Variants in EML4 observed in about 807,000 individuals in gnomAD.
EML4 encodes the protein EMAP like 4, also known as echinoderm microtubule-associated protein-like 4.
A neutral mutation model predicts 129.0 loss-of-function variants in EML4; 72 were observed. That is an observed-to-expected ratio of 0.56 (90% CI 0.46 to 0.68). The LOEUF (loss-of-function observed/expected upper bound fraction) is 0.68, where lower values mean the gene tolerates loss of function less well. Among genes scored for constraint, EML4 ranks in the 30% least tolerant of loss-of-function variants. The probability of loss-of-function intolerance (pLI) is 0.00; values close to 1 mark genes in which losing one functional copy is unlikely to be tolerated. For synonymous variants in EML4, 532 were observed against 405.0 expected, an observed-to-expected ratio of 1.31 and a Z score of -3.77; for missense variants, 1,363 against 1,190.6, an observed-to-expected ratio of 1.14 and a Z score of -2.13.
chr2:42,229,982 G>C (rs182253114), intron 1 of EML4, among the ~76,000 whole-genome samples: 34 of 151,522 alleles, frequency 2.2e-4, no homozygotes, highest in Non-Finnish European at 5.9e-5. Context: ...GAAGAGGAGA[G>C]AGATACCGAT....
In EML4 at chr2:42,223,937, C is replaced by T. The variant is rs562410047; in HGVS notation, c.26-21568C>T. On this transcript the variant is annotated intron_variant, in intron 1 of 22. Transcript: ENST00000318522. ...ATAATACCACTACGGGTTCTCCTTC[C>T]TTTACCCTTGGGAAAATTTAAATTC... is the stretch of plus-strand genomic sequence containing the variant. 4.6e-5 allele frequency among the ~76,000 whole-genome samples: 7 copies of T among 152,190 alleles called. No homozygotes were observed. In the South Asian group the frequency reaches 1.4e-3, roughly 32 times the overall value.
rs186992125 is a variant in EML4, at chr2:42,204,290, G to C, written c.25+34654G>C. ...AGATGACTTTCGACAAGCTATATAA[G>C]CAGTTAGTGGCAAAGACAGGTTTTG... is the stretch of plus-strand genomic sequence containing the variant. On this transcript the variant is annotated intron_variant, in intron 1 of 22. Coordinates refer to ENST00000318522, the MANE Select transcript of EML4 (RefSeq NM_019063.5). Among the ~76,000 whole-genome samples the C allele has an allele frequency of 1.2e-4, 19 of 152,292 alleles. No homozygotes were observed. In the East Asian group the frequency reaches 3.7e-3, roughly 29 times the overall value.
chr2:42,329,515 A>G (rs943071276), intron 22 of EML4, among the ~76,000 whole-genome samples: 1 of 152,204 alleles, frequency 6.6e-6, no homozygotes, highest in Non-Finnish European at 1.5e-5. Flanking sequence ...GTGAAAATAC[A>G]GAGATGTCCA....
At chr2:42,216,946 CT>C (rs1279152453) in intron 1 of EML4, among the ~76,000 whole-genome samples, 2 of 152,126 alleles carry the variant, frequency 1.3e-5, no homozygotes, top group Non-Finnish European at 2.9e-5. Flanking sequence ...GAATAAAGAT[CT>C]ACTTGGTTCC....
intron 6 of EML4, among the ~76,000 whole-genome samples, chr2:42,272,961 T>C (rs971230577): frequency 2.6e-5 from 4 of 152,194 alleles, no homozygotes; most frequent in Non-Finnish European, 5.9e-5. Context: ...ATTAATCCTG[T>C]TTAATCAGAA....
intron 3 of EML4, among the ~76,000 whole-genome samples, chr2:42,258,126 G>C (rs1394806458): frequency 6.6e-6 from 1 of 152,066 alleles, no homozygotes; most frequent in East Asian, 1.9e-4. Context: ...ACAATCCAAG[G>C]CCAGCTGAGT....
chr2:42,189,106 G>T (rs1173159354), intron 1 of EML4, among the ~76,000 whole-genome samples: 1 of 151,906 alleles, frequency 6.6e-6, no homozygotes, highest in East Asian at 1.9e-4. Flanking sequence ...GGCTCAAGCA[G>T]TCCTCCCTAC....
chr2:42,190,317 C>T (rs1393443962), intron 1 of EML4, among the ~76,000 whole-genome samples: 2 of 152,000 alleles, frequency 1.3e-5, no homozygotes, highest in East Asian at 3.9e-4. Context: ...GAGGTTCTTG[C>T]AGGAGTAGTG....
rs1010411237 is a variant in EML4 at position 42,330,815 on chromosome 2, A to G, written c.*608A>G. The G allele has an allele frequency of 2.8e-5, 6 of 212,758 alleles. No individual in the cohort carries two copies. Among genetic ancestry groups the G allele is most frequent in the African/African-American group, 6.9e-5 (3 of 43,766 alleles). 13.2% of individuals were successfully genotyped at this position (212,758 alleles called of 1,614,324 possible). On this transcript the variant is annotated 3_prime_UTR_variant, in exon 23 of 23. Coordinates refer to ENST00000318522, the MANE Select transcript of EML4 (RefSeq NM_019063.5). ...GGATGTCCAGACATGCTCTTAGTCT[A>G]CTAGAGAGGTGCTGCCTTTTCTAAG... is the stretch of plus-strand genomic sequence containing the variant.
chr2:42,202,859 C>G (rs914600107), intron 1 of EML4, among the ~76,000 whole-genome samples: 6 of 152,178 alleles, frequency 3.9e-5, no homozygotes, highest in African/African-American at 1.4e-4. Context: ...AAGACCCCAT[C>G]TCTACAAAAA....
At position 42,264,716 on chromosome 2, in the gene EML4, GTCA is replaced by G. The variant is rs1665954414; in HGVS notation, c.659_661del (p.Ile220del). On this transcript the variant is annotated inframe_deletion, in exon 6 of 23. Transcript: ENST00000318522. The stretch of plus-strand genomic sequence containing the variant: ...AAATTTCTTTTCTAGGCATAAAGAT[GTCA>G]TCATCAACCAAGGTAAATTAAAAAT... 1 of 1,446,894 alleles carries G rather than the reference GTCA, an allele frequency of 6.9e-7. No homozygotes were observed. The highest frequency in any genetic ancestry group is 1.8e-5 in the Admixed American group (1 of 54,558). 89.6% of individuals were successfully genotyped at this position (1,446,894 alleles called of 1,614,324 possible).
At chr2:42,232,002 AT>A (rs200787419) in intron 1 of EML4, among the ~76,000 whole-genome samples, 47 of 150,802 alleles carry the variant, frequency 3.1e-4, no homozygotes, top group Admixed American at 6.0e-4. Context: ...TCTGGCAGTA[AT>A]TTTTTTTTTA....
chr2:42,198,771 G>A (rs1333996137), intron 1 of EML4, among the ~76,000 whole-genome samples: 2 of 152,174 alleles, frequency 1.3e-5, no homozygotes, highest in African/African-American at 2.4e-5. Flanking sequence ...AATGTAGAGA[G>A]ACCAAGATGG....
intron 1 of EML4, among the ~76,000 whole-genome samples, chr2:42,242,060 C>T (rs553012787): frequency 6.6e-6 from 1 of 152,238 alleles, no homozygotes; most frequent in East Asian, 1.9e-4. Context: ...ACAACTTAAA[C>T]ACCTTAGTCA....
intron 1 of EML4, among the ~76,000 whole-genome samples, chr2:42,242,263 A>G (rs757040557): frequency 6.6e-6 from 1 of 152,214 alleles, no homozygotes; most frequent in Non-Finnish European, 1.5e-5. Flanking sequence ...ATATAAAGAT[A>G]TAGCTCATCT....
intron 1 of EML4, among the ~76,000 whole-genome samples, chr2:42,238,864 G>C (rs1674848396): frequency 1.3e-5 from 2 of 152,162 alleles, no homozygotes; most frequent in Non-Finnish European, 1.5e-5. Flanking sequence ...CCTTACTGCA[G>C]CCGTGACCTC....
At chr2:42,289,127 C>G (rs1667474671) in intron 11 of EML4, 1 of 152,066 alleles carries the variant, frequency 6.6e-6, no homozygotes, top group Admixed American at 6.6e-5. Context: ...TTTGATTGTA[C>G]TTAAAAGGAA....
intron 7 of EML4, 141 bp from the exon 8 acceptor site, chr2:42,282,682 C>G: frequency 1.4e-6 from 1 of 725,862 alleles, no homozygotes; most frequent in Non-Finnish European, 2.3e-6. Flanking sequence ...TGTGAGCACT[C>G]TGCCCGTCCA....
chr2:42,192,279 C>T (rs374905200), intron 1 of EML4, among the ~76,000 whole-genome samples: 1 of 149,392 alleles, frequency 6.7e-6, no homozygotes, highest in South Asian at 2.1e-4. Context: ...CTCTGTTGCC[C>T]GTGCTGGAGT....
Sources: allele counts gnomAD v4.1 joint callset (sites outside exome capture counted in the v4.1 genomes callset), GRCh38; gene constraint gnomAD v4.1.1; transcripts MANE v1.5; gene names NCBI Gene and HGNC (gene_info 2026-07-23, HGNC 2026-07-21).